GNAQ: variants seen among roughly 807,000 people sequenced by gnomAD.
GNAQ encodes the protein G protein subunit alpha q.
Under a neutral mutation model 43.9 loss-of-function variants are expected in GNAQ, and 8 were observed. The observed-to-expected ratio is 0.18, with a 90% confidence interval of 0.11 to 0.33. The LOEUF (loss-of-function observed/expected upper bound fraction) is 0.33. Ranked by LOEUF, GNAQ falls within the 10% of genes least tolerant of loss-of-function variation. The pLI is 1.00. For missense variants in GNAQ, 158 were observed against 450.8 expected, an observed-to-expected ratio of 0.35 and a Z score of 5.88; for synonymous variants, 155 against 170.7, an observed-to-expected ratio of 0.91 and a Z score of 0.71.
intron 2 of GNAQ, among the ~76,000 whole-genome samples, chr9:77,894,316 T>C (rs1345174604): frequency 7.1e-6 from 1 of 141,750 alleles, no homozygotes; most frequent in Non-Finnish European, 1.5e-5. Flanking sequence ...ATATATAATA[T>C]ATATTTAATA....
intron 1 of GNAQ, among the ~76,000 whole-genome samples, chr9:77,977,412 T>C (rs1245729618): frequency 6.6e-6 from 1 of 151,304 alleles, no homozygotes; most frequent in Admixed American, 6.6e-5. Context: ...AACACAACTA[T>C]CCACACTTCC....
chr9:77,755,538 A>C (rs1825887906), intron 5 of GNAQ, among the ~76,000 whole-genome samples: 1 of 152,204 alleles, frequency 6.6e-6, no homozygotes, highest in African/African-American at 2.4e-5. Context: ...ATATGTCATG[A>C]ATATTTCCTC....
intron 5 of GNAQ, among the ~76,000 whole-genome samples, chr9:77,743,283 AAAC>A (rs771282384): frequency 2.0e-5 from 3 of 151,580 alleles, no homozygotes; most frequent in Non-Finnish European, 4.4e-5. Flanking sequence ...ACAAACAAAC[AAAC>A]AAAAAAAACA....
chr9:78,026,902 A>G (rs1197373483), intron 1 of GNAQ, among the ~76,000 whole-genome samples: 27 of 152,214 alleles, frequency 1.8e-4, no homozygotes, highest in Admixed American at 2.0e-4. Context: ...ACGTTATTGT[A>G]TAAGTCAATC....
At chr9:77,732,446 A>G (rs888195840) in intron 5 of GNAQ, among the ~76,000 whole-genome samples, 1 of 150,550 alleles carries the variant, frequency 6.6e-6, no homozygotes, top group Admixed American at 6.7e-5. Context: ...GCTCACTGCA[A>G]CCTCTGCCTC....
At chr9:77,761,531 C>T (rs1263150120) in intron 5 of GNAQ, among the ~76,000 whole-genome samples, 27 of 139,084 alleles carry the variant, frequency 1.9e-4, no homozygotes, top group African/African-American at 5.3e-4. Context: ...CCAGCCGCCC[C>T]GTCCGGGAGG....
At chr9:77,981,671 A>C (rs1438143291) in intron 1 of GNAQ, among the ~76,000 whole-genome samples, 2 of 152,074 alleles carry the variant, frequency 1.3e-5, no homozygotes, top group East Asian at 3.9e-4. Flanking sequence ...CCTTATCTTA[A>C]ATCTCCTTTC....
At chr9:77,869,714 G>T (rs2118022097) in intron 2 of GNAQ, among the ~76,000 whole-genome samples, 1 of 152,168 alleles carries the variant, frequency 6.6e-6, no homozygotes, top group East Asian at 1.9e-4. Context: ...ATAATTTTAT[G>T]ATCTGCTACC....
At chr9:77,762,143 G>A (rs538442683) in intron 5 of GNAQ, among the ~76,000 whole-genome samples, 6 of 131,252 alleles carry the variant, frequency 4.6e-5, no homozygotes, top group Admixed American at 7.5e-5. Context: ...CCCCCTGCCC[G>A]GCCAGCCGCC....
chr9:77,975,535 CCTT>C (rs1233301216), intron 1 of GNAQ, among the ~76,000 whole-genome samples: 32 of 140,624 alleles, frequency 2.3e-4, no homozygotes, highest in African/African-American at 8.6e-4. Flanking sequence ...ATCAGCCCCC[CCTT>C]TTTTTTTTTT....
intron 1 of GNAQ, among the ~76,000 whole-genome samples, chr9:78,000,724 G>A (rs186606123): frequency 1.0e-3 from 154 of 152,184 alleles, no homozygotes; most frequent in Admixed American, 8.7e-3. Flanking sequence ...AACTGTAAAC[G>A]CCTGCTCAGA....
At chr9:77,965,206 C>CTATA (rs1823151484) in intron 1 of GNAQ, among the ~76,000 whole-genome samples, 3 of 152,044 alleles carry the variant, frequency 2.0e-5, no homozygotes, top group African/African-American at 7.2e-5. Flanking sequence ...CCAGCAACTA[C>CTATA]CACCAATCAA....
chr9:77,821,863 T>C (rs1827122818), intron 2 of GNAQ, among the ~76,000 whole-genome samples: 1 of 152,126 alleles, frequency 6.6e-6, no homozygotes, highest in African/African-American at 2.4e-5. Flanking sequence ...AGATTAAAGA[T>C]ATGCATATTC....
intron 5 of GNAQ, among the ~76,000 whole-genome samples, chr9:77,768,005 A>G (rs1393211214): frequency 2.0e-5 from 3 of 152,230 alleles, no homozygotes; most frequent in African/African-American, 7.2e-5. Context: ...TCATTATATT[A>G]TTAAAATAAT....
At chr9:77,750,264 A>G (rs1203593444) in intron 5 of GNAQ, among the ~76,000 whole-genome samples, 1 of 152,162 alleles carries the variant, frequency 6.6e-6, no homozygotes, top group Non-Finnish European at 1.5e-5. Flanking sequence ...CTGTTATAGG[A>G]TTATCAGAAA....
At position 77,826,346 on chromosome 9, in the gene GNAQ, T is replaced by C. The variant is rs576410156; in HGVS notation, c.322-10576A>G. 5.9e-5 allele frequency among the ~76,000 whole-genome samples: 9 copies of C among 152,276 alleles called. No homozygotes were observed. The East Asian group carries it at 9.6e-4, about 16-fold the overall frequency. On this transcript the variant is annotated intron_variant, in intron 2 of 6. Coordinates refer to ENST00000286548, the MANE Select transcript of GNAQ (RefSeq NM_002072.5). Reference sequence around the variant, plus strand: ...TGTGTGCTTTGTGTGATAAGGAAGCTTGTGAACTCTCCACAGAACTGAGAA... The same window carrying C: ...TGTGTGCTTTGTGTGATAAGGAAGCCTGTGAACTCTCCACAGAACTGAGAA...
chr9:77,739,738 T>G (rs1587891803), intron 5 of GNAQ, among the ~76,000 whole-genome samples: 1 of 152,226 alleles, frequency 6.6e-6, no homozygotes, highest in East Asian at 1.9e-4. Flanking sequence ...AGGAGCAAAG[T>G]GTGTTTGGAT....
chr9:77,754,336 C>T (rs1825864842), intron 5 of GNAQ, among the ~76,000 whole-genome samples: 1 of 152,186 alleles, frequency 6.6e-6, no homozygotes, highest in Non-Finnish European at 1.5e-5. Flanking sequence ...ATACCCTGTT[C>T]ACTAGCATCC....
At chr9:78,030,822 C>T (rs1824043925) in intron 1 of GNAQ, among the ~76,000 whole-genome samples, 1 of 152,070 alleles carries the variant, frequency 6.6e-6, no homozygotes, top group Non-Finnish European at 1.5e-5. Flanking sequence ...CTCAGGGACA[C>T]GAAAAGGAAC....
Sources: allele counts gnomAD v4.1 joint callset (sites outside exome capture counted in the v4.1 genomes callset), GRCh38; gene constraint gnomAD v4.1.1; transcripts MANE v1.5; gene names NCBI Gene and HGNC (gene_info 2026-07-23, HGNC 2026-07-21).